Variants in SLC2A2 observed in about 807,000 individuals in gnomAD.
The protein encoded by SLC2A2 is solute carrier family 2, facilitated glucose transporter member 2.
A neutral mutation model predicts 54.5 loss-of-function variants in SLC2A2; 36 were observed. That is an observed-to-expected ratio of 0.66 (90% CI 0.51 to 0.87). The LOEUF (loss-of-function observed/expected upper bound fraction) is 0.87. Among genes scored for constraint, SLC2A2 ranks in the 40% least tolerant of loss-of-function variants. SLC2A2 has a pLI of 0.00. For synonymous variants in SLC2A2, 223 were observed against 219.1 expected, an observed-to-expected ratio of 1.02 and a Z score of -0.16; for missense variants, 543 against 624.3, an observed-to-expected ratio of 0.87 and a Z score of 1.39.
chr3:171,015,664 A>C (rs1382437435), intron 2 of SLC2A2, among the ~76,000 whole-genome samples: 1 of 152,222 alleles, frequency 6.6e-6, no homozygotes, highest in Admixed American at 6.5e-5. Flanking sequence ...TAGATGGTGT[A>C]TCTTTGTTGG....
At chr3:171,009,450 T>C (rs573038029) in intron 4 of SLC2A2, among the ~76,000 whole-genome samples, 2 of 152,098 alleles carry the variant, frequency 1.3e-5, no homozygotes, top group African/African-American at 4.8e-5. Flanking sequence ...GTTAAGGTCT[T>C]GTCAGATAGA....
At position 170,998,191 on chromosome 3, in the gene SLC2A2, A is replaced by G; in HGVS notation, c.1374+2T>C. On this transcript the variant is annotated splice_donor_variant, in intron 10 of 10. Coordinates refer to ENST00000314251, the MANE Select transcript of SLC2A2 (RefSeq NM_000340.2). LOFTEE classifies it high-confidence loss of function. ...AAATCTGTGGAATATTAGGCTGCTT[A>G]CCGCAATGTACTGGAAACACAGAGC... 1 of 1,613,664 alleles carries G rather than the reference A, an allele frequency of 6.2e-7. No individual in the cohort carries two copies. Among genetic ancestry groups the G allele is most frequent in the African/African-American group, 1.3e-5 (1 of 75,022 alleles).
At chr3:171,025,784 A>G (rs1174619741) in intron 1 of SLC2A2, among the ~76,000 whole-genome samples, 1 of 152,106 alleles carries the variant, frequency 6.6e-6, no homozygotes, top group Non-Finnish European at 1.5e-5. Flanking sequence ...TTGTGTGTAC[A>G]GGGGTGGGTG....
In SLC2A2 at chr3:171,006,248, G is replaced by A. The variant is rs138628148; in HGVS notation, c.613-143C>T. On this transcript the variant is annotated intron_variant, in intron 5 of 10. Transcript: ENST00000314251. ...AGTAAAAACGGAAACTGTTACTATTGTATCTCACTTTAACTAAATTAGGAA... is the reference window on the plus strand; with the variant it reads ...AGTAAAAACGGAAACTGTTACTATTATATCTCACTTTAACTAAATTAGGAA... 322 of 664,154 alleles carry A rather than the reference G, an allele frequency of 4.8e-4. No homozygotes were observed. The African/African-American group carries it at 5.2e-3, about 11-fold the overall frequency. 41.1% of individuals were successfully genotyped at this position (664,154 alleles called of 1,614,324 possible). A position where few individuals can be genotyped will look rare whatever the true frequency, so the allele number is the denominator to read the frequency against.
In SLC2A2 at chr3:170,998,039, G is replaced by A. The variant is rs757137603; in HGVS notation, c.1439C>T (p.Thr480Ile). 1.2e-6 allele frequency: 2 copies of A among 1,613,636 alleles called. No homozygotes were observed. Among genetic ancestry groups the A allele is most frequent in the Non-Finnish European group, 1.7e-6 (2 of 1,179,796 alleles). The change falls in exon 11 of 11, where the codon ACA becomes ATA. Residue 480 changes from threonine (T) to isoleucine (I), a missense_variant. Thr to Ile is a moderately conservative substitution (Grantham distance 89, BLOSUM62 -1). This residue lies in a region of SLC2A2 where 108 missense variants were observed against 101.3 expected (regional missense o/e 1.07). Coordinates refer to ENST00000314251, the MANE Select transcript of SLC2A2 (RefSeq NM_000340.2). Reference sequence around the variant, plus strand: ...TTTGGTTTCTGGAACTTTAAAAAATGTGAACAGGGTAAAGGCCAGGAGCAC... The same window carrying A: ...TTTGGTTTCTGGAACTTTAAAAAATATGAACAGGGTAAAGGCCAGGAGCAC... Reference protein sequence around the residue: ...AGVLLAFTLFTFFKVPETKGK... With the variant: ...AGVLLAFTLFIFFKVPETKGK...
At chr3:171,001,235 T>C (rs1715318860) in intron 8 of SLC2A2, among the ~76,000 whole-genome samples, 1 of 152,074 alleles carries the variant, frequency 6.6e-6, no homozygotes, top group Non-Finnish European at 1.5e-5. Context: ...AATCCTATTA[T>C]ACACAAAATG....
intron 8 of SLC2A2, among the ~76,000 whole-genome samples, chr3:170,999,559 A>C (rs938578400): frequency 1.3e-5 from 2 of 152,120 alleles, no homozygotes; most frequent in African/African-American, 4.8e-5. Context: ...TTTAAACATG[A>C]CATTAACTTA....
chr3:171,017,416 G>A (rs1305785406), intron 2 of SLC2A2, among the ~76,000 whole-genome samples: 1 of 152,134 alleles, frequency 6.6e-6, no homozygotes, highest in African/African-American at 2.4e-5. Context: ...TCAGCAGGAA[G>A]CAGCCCTTTT....
At chr3:171,004,912 T>G (rs1715520429) in intron 7 of SLC2A2, among the ~76,000 whole-genome samples, 1 of 151,974 alleles carries the variant, frequency 6.6e-6, no homozygotes, top group African/African-American at 2.4e-5. Flanking sequence ...AACCCTTGAC[T>G]CCATTTGGCT....
At position 171,022,661 on chromosome 3, in the gene SLC2A2, A is replaced by T. The variant is rs542886046; in HGVS notation, c.15+3995T>A. Among the ~76,000 whole-genome samples, 6 of 152,230 alleles carry T rather than the reference A, an allele frequency of 3.9e-5. No homozygotes were observed. The South Asian group carries it at 1.2e-3, about 32-fold the overall frequency. On this transcript the variant is annotated intron_variant, in intron 1 of 10. Transcript: ENST00000314251. ...ATTAGTGACTGTCACCTCCTGCTTC[A>T]TCCCTGGATTTCTGTTCTCTGGGGG...
At chr3:171,014,336 T>A (rs1291968107) in intron 3 of SLC2A2, 133 bp downstream of exon 3, 1 of 908,780 alleles carries the variant, frequency 1.1e-6, no homozygotes, top group African/African-American at 1.7e-5. Context: ...CTGATATGCC[T>A]CATAGGGTCA....
intron 5 of SLC2A2, 101 bp downstream of exon 5, chr3:171,007,047 A>G (rs960256750): frequency 2.6e-6 from 2 of 757,394 alleles, no homozygotes; most frequent in African/African-American, 3.5e-5. Context: ...GACGAGATGG[A>G]TGAAGTGGAG....
intron 7 of SLC2A2, among the ~76,000 whole-genome samples, chr3:171,004,022 C>A (rs770556970): frequency 2.0e-5 from 3 of 152,004 alleles, no homozygotes; most frequent in Non-Finnish European, 4.4e-5. Context: ...TCTTTTAGGT[C>A]ATTCTGCTAT....
rs1715571651 is a variant in SLC2A2 at position 171,005,835 on chromosome 3, G to C, written c.775+108C>G. The C allele has an allele frequency of 7.9e-6, 9 of 1,143,894 alleles. 1 individual carries two copies. In the South Asian group the frequency reaches 1.0e-4, roughly 13 times the overall value. 70.9% of individuals were successfully genotyped at this position (1,143,894 alleles called of 1,614,324 possible). On this transcript the variant is annotated intron_variant, in intron 6 of 10. Coordinates refer to ENST00000314251, the MANE Select transcript of SLC2A2 (RefSeq NM_000340.2). The stretch of plus-strand genomic sequence containing the variant: ...GCACCAGTCATATAAAAGCGATTTT[G>C]CACATTCTTCTTACATTTAATCACC...
chr3:171,006,649 G>A (rs184477650), intron 5 of SLC2A2, among the ~76,000 whole-genome samples: 109 of 152,110 alleles, frequency 7.2e-4, no homozygotes, highest in Non-Finnish European at 1.3e-3. Flanking sequence ...TGTCGTAGGT[G>A]TGGGGTCCCA....
intron 1 of SLC2A2, among the ~76,000 whole-genome samples, chr3:171,019,129 G>GTGTATA (rs1429300436): frequency 1.6e-4 from 4 of 25,034 alleles, no homozygotes; most frequent in African/African-American, 2.5e-4. Context: ...ATATACGTAT[G>GTGTATA]TATATATATA....
chr3:171,014,608 G>C lies in SLC2A2; in HGVS notation c.232C>G (p.Pro78Ala). The C allele has an allele frequency of 6.2e-7, 1 of 1,614,114 alleles. No individual in the cohort carries two copies. Among genetic ancestry groups the C allele is most frequent in the African/African-American group, 1.3e-5 (1 of 75,020 alleles). Residue 78 changes from proline to alanine, a missense_variant, in exon 3 of 11, where the codon CCA becomes GCA. Pro to Ala is a conservative substitution (Grantham distance 27). Around this residue, in one of 3 missense-constraint regions of SLC2A2, gnomAD observed 318 missense variants for 343.8 expected, o/e 0.93. Transcript: ENST00000314251. ...PTISYSMNPKPTPWAEEETVA... is the reference protein window; with the variant it reads ...PTISYSMNPKATPWAEEETVA... ...GTCTCTTCCTCAGCCCAAGGGGTTG[G>C]TTTTGGGTTCATTGAGTATGAGATT...
At chr3:171,026,065 A>G (rs1253962427) in intron 1 of SLC2A2, among the ~76,000 whole-genome samples, 4 of 152,194 alleles carry the variant, frequency 2.6e-5, no homozygotes, top group African/African-American at 9.7e-5. Flanking sequence ...AGCATGTACA[A>G]AGAACAAAGA....
At chr3:171,016,856 T>C (rs1449530851) in intron 2 of SLC2A2, among the ~76,000 whole-genome samples, 8 of 148,476 alleles carry the variant, frequency 5.4e-5, no homozygotes, top group Admixed American at 2.0e-4. Flanking sequence ...TTTTTTCTTT[T>C]TTTTTTTTTT....
Sources: gnomAD v4.1 joint callset for allele counts (sites outside exome capture counted in the v4.1 genomes callset) on GRCh38, gnomAD v4.1.1 for gene constraint, gnomAD v4.1.1 regional missense constraint, MANE v1.5 for transcripts, NCBI Gene and HGNC (gene_info 2026-07-23, HGNC 2026-07-21) for gene names.